Variants in CRB1 observed in about 807,000 individuals in gnomAD.
CRB1 encodes protein crumbs homolog 1.
Under a neutral mutation model 120.0 loss-of-function variants are expected in CRB1, and 83 were observed. The ratio of observed to expected loss-of-function variants is 0.69; its 90% CI spans 0.58 to 0.83. The LOEUF is 0.83. Ranked by LOEUF, CRB1 falls within the 40% of genes least tolerant of loss-of-function variation. CRB1 has a pLI of 0.00. For missense variants in CRB1, 1,699 were observed against 1,687.6 expected, an observed-to-expected ratio of 1.01 and a Z score of -0.12; for synonymous variants, 625 against 612.5, an observed-to-expected ratio of 1.02 and a Z score of -0.30.
chr1:197,236,768 C>G, the CRB1 span, among the ~76,000 whole-genome samples: 1 of 152,096 alleles, frequency 6.6e-6, no homozygotes, highest in East Asian at 1.9e-4. Context: ...CTGCATTTAA[C>G]AATATGATTT....
intron 1 of CRB1, among the ~76,000 whole-genome samples, chr1:197,274,751 G>C (rs1361301056): frequency 3.3e-5 from 5 of 152,064 alleles, no homozygotes; most frequent in African/African-American, 1.2e-4. Flanking sequence ...ATGTGCTTTT[G>C]TGACTTGATA....
Position 197,405,045 on chromosome 1 carries a change from G to A in CRB1, c.1172-15955G>A, listed in dbSNP as rs10922217. Among the ~76,000 whole-genome samples, 3 of 145,300 alleles carry A rather than the reference G, an allele frequency of 2.1e-5. No individual in the cohort carries two copies. In the South Asian group the frequency reaches 6.5e-4, roughly 31 times the overall value. The stretch of plus-strand genomic sequence containing the variant: ...TATTGTTAATAATGTGCTCGCCCTC[G>A]CCCTCTCCCTCTCCCTCTCCCTCTC... On this transcript the variant is annotated intron_variant, in intron 5 of 11. Transcript: ENST00000367400.
the CRB1 span, among the ~76,000 whole-genome samples, chr1:197,236,410 G>A: frequency 6.6e-6 from 1 of 151,814 alleles, no homozygotes; most frequent in African/African-American, 2.4e-5. Context: ...CATGTTGGCC[G>A]GGCTGGTCTC....
intron 5 of CRB1, among the ~76,000 whole-genome samples, chr1:197,380,171 A>T (rs962687500): frequency 6.6e-6 from 1 of 152,212 alleles, no homozygotes; most frequent in African/African-American, 2.4e-5. Context: ...AGAGTCACCT[A>T]TGAGACAATA....
intron 11 of CRB1, among the ~76,000 whole-genome samples, chr1:197,457,591 T>A (rs1251651892): frequency 2.0e-5 from 3 of 152,150 alleles, no homozygotes; most frequent in Non-Finnish European, 4.4e-5. Context: ...GGCAGAGTAG[T>A]GCTTCACTAT....
At chr1:197,441,284 G>C (rs1337835024) in intron 10 of CRB1, 4 of 152,220 alleles carry the variant, frequency 2.6e-5, no homozygotes, top group African/African-American at 9.6e-5. Context: ...CAGAGTGTTT[G>C]TCACATAGTA....
chr1:197,363,496 C>G (rs772088508), intron 5 of CRB1, among the ~76,000 whole-genome samples: 16 of 152,136 alleles, frequency 1.1e-4, no homozygotes, highest in Admixed American at 1.3e-4. Context: ...CAGTTCTTTT[C>G]TCATGGAACT....
intron 10 of CRB1, chr1:197,440,027 C>T (rs1233312008): frequency 6.6e-6 from 1 of 152,232 alleles, no homozygotes; most frequent in African/African-American, 2.4e-5. Context: ...CCTTGAGTCA[C>T]ATTCTGCTTT....
Position 197,478,109 on chromosome 1 carries a change from G to T in CRB1, c.*230G>T. ...AAAAAAGTCTGTGCCAGTAATTTCAGCCTTATAATTAGCAAAAACATCTTC... is the reference window on the plus strand; with the variant it reads ...AAAAAAGTCTGTGCCAGTAATTTCATCCTTATAATTAGCAAAAACATCTTC... On this transcript the variant is annotated 3_prime_UTR_variant, in exon 12 of 12. Transcript: ENST00000367400. The T allele has an allele frequency of 1.8e-6, 1 of 552,156 alleles. No individual in the cohort carries two copies. Among genetic ancestry groups the T allele is most frequent in the Non-Finnish European group, 3.2e-6 (1 of 308,534 alleles). The allele number at this position is 552,156 out of a possible 1,614,324, so 34.2% of individuals were successfully genotyped here. A position where few individuals can be genotyped will look rare whatever the true frequency, so the allele number is the denominator to read the frequency against.
chr1:197,313,240 A>G (rs533405335), intron 1 of CRB1, among the ~76,000 whole-genome samples: 58 of 152,338 alleles, frequency 3.8e-4, no homozygotes, highest in African/African-American at 1.3e-3. Flanking sequence ...ATCTGCTCCC[A>G]TGATCCAATC....
At chr1:197,207,138 AC>A in the CRB1 span, among the ~76,000 whole-genome samples, 1 of 152,070 alleles carries the variant, frequency 6.6e-6, no homozygotes, top group Admixed American at 6.5e-5. Flanking sequence ...AAGACAGCAA[AC>A]ACTTGGTTGG....
intron 11 of CRB1, 116 bp downstream of exon 11, chr1:197,442,408 A>G: frequency 6.2e-7 from 1 of 1,603,250 alleles, no homozygotes; most frequent in Non-Finnish European, 8.5e-7. Flanking sequence ...GGTGAACAGG[A>G]AGATTATTAA....
the CRB1 span, among the ~76,000 whole-genome samples, chr1:197,245,349 T>C: frequency 7.9e-5 from 12 of 152,140 alleles, no homozygotes; most frequent in East Asian, 1.9e-3. Flanking sequence ...AAATCTTTGT[T>C]AGCTGGGCAC....
the CRB1 span, among the ~76,000 whole-genome samples, chr1:197,253,139 C>T: frequency 6.6e-6 from 1 of 152,020 alleles, no homozygotes; most frequent in Non-Finnish European, 1.5e-5. Flanking sequence ...TTCACAAAAT[C>T]TGCATAGTCT....
chr1:197,265,897 A>T (rs1004263319), upstream of CRB1, among the ~76,000 whole-genome samples: 1 of 152,072 alleles, frequency 6.6e-6, no homozygotes, highest in African/African-American at 2.4e-5. Context: ...CATTGCTGCT[A>T]GATTTATCTT....
intron 11 of CRB1, among the ~76,000 whole-genome samples, chr1:197,453,539 T>TATATAG (rs1553266395): frequency 8.5e-5 from 5 of 58,510 alleles, no homozygotes; most frequent in African/African-American, 2.0e-4. Flanking sequence ...TATATATATA[T>TATATAG]AGAGAGAGAG....
chr1:197,349,959 G>A (rs1659995965), intron 4 of CRB1, among the ~76,000 whole-genome samples: 1 of 151,782 alleles, frequency 6.6e-6, no homozygotes, highest in Non-Finnish European at 1.5e-5. Flanking sequence ...AATTAGCCGG[G>A]CGCGGTGGCG....
At chr1:197,252,570 A>ATGTG in the CRB1 span, among the ~76,000 whole-genome samples, 1 of 48,640 alleles carries the variant, frequency 2.1e-5, no homozygotes, top group African/African-American at 6.1e-5. Flanking sequence ...ATATATATAT[A>ATGTG]TATATATATA....
chr1:197,212,198 A>C, the CRB1 span, among the ~76,000 whole-genome samples: 2 of 152,198 alleles, frequency 1.3e-5, no homozygotes, highest in Non-Finnish European at 2.9e-5. Flanking sequence ...CTGGTATAGC[A>C]CTTTGGAAAA....
Sources: allele counts gnomAD v4.1 joint callset (sites outside exome capture counted in the v4.1 genomes callset), GRCh38; gene constraint gnomAD v4.1.1; transcripts MANE v1.5; gene names NCBI Gene and HGNC (gene_info 2026-07-23, HGNC 2026-07-21).